Variants in RERE observed in about 807,000 individuals in gnomAD.
RERE encodes arginine-glutamic acid dipeptide repeats, also known as arginine-glutamic acid dipeptide repeats protein.
Under a neutral mutation model 146.1 loss-of-function variants are expected in RERE, and 40 were observed. The ratio of observed to expected loss-of-function variants is 0.27; its 90% CI spans 0.21 to 0.36. RERE has a LOEUF of 0.36. Among genes scored for constraint, RERE ranks in the 10% least tolerant of loss-of-function variants. The pLI, the probability that RERE is intolerant of heterozygous loss-of-function variation, is 1.00. For synonymous variants in RERE, 1,003 were observed against 866.0 expected (o/e 1.16, Z -2.78); for missense variants, 1,933 against 2,138.7 (o/e 0.90, Z 1.90).
chr1:8,669,179 A>AC (rs57703350), intron 1 of RERE, among the ~76,000 whole-genome samples: 9,388 of 147,062 alleles, frequency 0.064, 1,039 homozygotes, highest in African/African-American at 0.22. Context: ...CTCAAGCAAT[A>AC]CCCCCCCCAA....
At chr1:8,647,259 G>A (rs559952737) in intron 2 of RERE, among the ~76,000 whole-genome samples, 12 of 152,254 alleles carry the variant, frequency 7.9e-5, no homozygotes, top group African/African-American at 2.4e-4. Flanking sequence ...GATTAACGTT[G>A]ATTAAATAAC....
At chr1:8,523,003 C>A (rs1159169827) in intron 7 of RERE, among the ~76,000 whole-genome samples, 3 of 152,060 alleles carry the variant, frequency 2.0e-5, no homozygotes, top group Admixed American at 6.5e-5. Context: ...AAGGTGAAAT[C>A]CCTTCTCTAC....
intron 1 of RERE, among the ~76,000 whole-genome samples, chr1:8,753,013 T>C (rs1281610858): frequency 6.6e-6 from 1 of 152,214 alleles, no homozygotes; most frequent in Non-Finnish European, 1.5e-5. Context: ...AGGATCAATA[T>C]TATTTTAATT....
At chr1:8,770,533 G>T (rs904690013) in intron 1 of RERE, among the ~76,000 whole-genome samples, 1 of 152,138 alleles carries the variant, frequency 6.6e-6, no homozygotes, top group African/African-American at 2.4e-5. Flanking sequence ...CTACGTACTA[G>T]CTCTGTCCTC....
At chr1:8,476,211 A>G (rs1644754636) in intron 10 of RERE, among the ~76,000 whole-genome samples, 1 of 152,164 alleles carries the variant, frequency 6.6e-6, no homozygotes, top group South Asian at 2.1e-4. Context: ...TCTCTTCCAC[A>G]GCCAGAGTAC....
At chr1:8,545,393 T>C (rs916323492) in intron 6 of RERE, among the ~76,000 whole-genome samples, 2 of 151,788 alleles carry the variant, frequency 1.3e-5, no homozygotes, top group Non-Finnish European at 2.9e-5. Context: ...CAAGAGGAGG[T>C]GGCTATATGA....
At chr1:8,558,758 C>T (rs1421056978) in intron 4 of RERE, among the ~76,000 whole-genome samples, 2 of 151,490 alleles carry the variant, frequency 1.3e-5, no homozygotes, top group Non-Finnish European at 2.9e-5. Context: ...TTCAACAGAA[C>T]TCAAATGTGA....
rs932858000 is a variant in RERE at position 8,728,480 on chromosome 1, T to C, written c.-144-72039A>G. ...GAGACCATCAAAAAAAAAAAAACCC[T>C]ATTGAAACCATGTTTAGAGCGAAAA... On this transcript the variant is annotated intron_variant, in intron 1 of 22. Coordinates refer to ENST00000400908, the MANE Select transcript of RERE (RefSeq NM_001042681.2). Among the ~76,000 whole-genome samples the C allele has an allele frequency of 4.0e-5, 6 of 150,782 alleles. 1 individual carries two copies. Among genetic ancestry groups the C allele is most frequent in the Admixed American group, 2.7e-4 (4 of 15,026 alleles).
chr1:8,707,838 C>T (rs1444277521), intron 1 of RERE, among the ~76,000 whole-genome samples: 1 of 152,170 alleles, frequency 6.6e-6, no homozygotes, highest in African/African-American at 2.4e-5. Context: ...TCCACAGTTT[C>T]GCTTTCCAAG....
chr1:8,630,967 G>C (rs1647028342), intron 2 of RERE, among the ~76,000 whole-genome samples: 1 of 152,132 alleles, frequency 6.6e-6, no homozygotes, highest in Non-Finnish European at 1.5e-5. Context: ...GTATTGAAAT[G>C]TCTATAGATT....
At chr1:8,504,835 C>T (rs895861234) in intron 8 of RERE, among the ~76,000 whole-genome samples, 27 of 151,206 alleles carry the variant, frequency 1.8e-4, no homozygotes, top group African/African-American at 6.6e-4. Flanking sequence ...CCTGGGCGAC[C>T]GAGTGAGACT....
intron 12 of RERE, among the ~76,000 whole-genome samples, chr1:8,392,831 T>C (rs1192289845): frequency 2.0e-5 from 3 of 152,176 alleles, no homozygotes; most frequent in African/African-American, 7.2e-5. Flanking sequence ...GTTTCAGCTC[T>C]TCGTGAAGCA....
At position 8,358,316 on chromosome 1, in the gene RERE, C is replaced by T. The variant is rs1180568863; in HGVS notation, c.4219G>A (p.Ala1407Thr). Residue 1407 changes from alanine to threonine, a missense_variant, in exon 20 of 23, where the codon GCA becomes ACA. Physicochemically the swap from Ala to Thr is moderately conservative, Grantham distance 58. Around this residue, in one of 11 missense-constraint regions of RERE, gnomAD observed 47 missense variants for 58.6 expected, o/e 0.80. Transcript: ENST00000400908. Reference protein sequence around the residue: ...AAERIHAERMASLTSDPLARL... With the variant: ...AAERIHAERMTSLTSDPLARL... ...GCCAGGGGATCGCTGGTCAGCGATG[C>T]CATGCGCTCTGCGTGGATACGCTCG... The T allele has an allele frequency of 1.9e-6, 3 of 1,613,512 alleles. No homozygotes were observed. The highest frequency in any genetic ancestry group is 3.3e-5 in the Admixed American group (2 of 60,000).
At chr1:8,809,154 A>G (rs1465599937) in intron 1 of RERE, among the ~76,000 whole-genome samples, 3 of 151,016 alleles carry the variant, frequency 2.0e-5, no homozygotes, top group African/African-American at 7.3e-5. Flanking sequence ...AAAAAAAAAA[A>G]AAAAAAGTAC....
At chr1:8,496,678 C>CCCGCTCTGTGCCGT (rs1553174823) in intron 9 of RERE, among the ~76,000 whole-genome samples, 1 of 151,804 alleles carries the variant, frequency 6.6e-6, no homozygotes, top group African/African-American at 2.4e-5. Context: ...CTCTGTGGTG[C>CCCGCTCTGTGCCGT]CCGCTCTGTG....
intron 2 of RERE, among the ~76,000 whole-genome samples, chr1:8,648,685 A>C (rs1449164722): frequency 6.6e-6 from 1 of 152,184 alleles, no homozygotes; most frequent in East Asian, 1.9e-4. Context: ...ATCAAAGTAA[A>C]CAATTCTAGT....
intron 1 of RERE, among the ~76,000 whole-genome samples, chr1:8,795,982 C>CA (rs556814425): frequency 0.13 from 3,635 of 28,820 alleles, 202 homozygotes; most frequent in African/African-American, 0.18. Flanking sequence ...AACTCCGTCT[C>CA]AAAAAAAAAA....
rs188543437 is a variant in RERE, at chr1:8,759,971, C to T, written c.-145+57189G>A. Among the ~76,000 whole-genome samples the T allele has an allele frequency of 1.1e-4, 17 of 151,892 alleles. No homozygotes were observed. The East Asian group carries it at 3.3e-3, about 29-fold the overall frequency. On this transcript the variant is annotated intron_variant, in intron 1 of 22. Coordinates refer to ENST00000400908, the MANE Select transcript of RERE (RefSeq NM_001042681.2). ...AGGAAGATTTATCTGAGAAATAATT[C>T]AAAATAAATTCTCCCCAAGTAAATA...
Position 8,734,996 on chromosome 1 carries a change from T to C in RERE, c.-144-78555A>G, listed in dbSNP as rs137882469. Reference sequence around the variant, plus strand: ...TTATTATTTGCCTCTCCCACAAAATTGTATGCTTGATAATAATACTTGATA... The same window carrying C: ...TTATTATTTGCCTCTCCCACAAAATCGTATGCTTGATAATAATACTTGATA... On this transcript the variant is annotated intron_variant, in intron 1 of 22. Coordinates refer to ENST00000400908, the MANE Select transcript of RERE (RefSeq NM_001042681.2). Among the ~76,000 whole-genome samples the C allele has an allele frequency of 1.7e-4, 26 of 152,300 alleles. No homozygotes were observed. The East Asian group carries it at 4.0e-3, about 24-fold the overall frequency.
Sources: gnomAD v4.1 joint callset for allele counts (sites outside exome capture counted in the v4.1 genomes callset) on GRCh38, gnomAD v4.1.1 for gene constraint, gnomAD v4.1.1 regional missense constraint, MANE v1.5 for transcripts, NCBI Gene and HGNC (gene_info 2026-07-23, HGNC 2026-07-21) for gene names.